Variants in RBFOX1 observed in about 807,000 individuals in gnomAD.
RBFOX1 encodes RNA binding protein fox-1 homolog 1.
In RBFOX1, 8 loss-of-function variants were observed where a neutral mutation model predicts 57.7. That is an observed-to-expected ratio of 0.14 (90% CI 0.08 to 0.25). The LOEUF is 0.25. RBFOX1 is among the 10% of genes least tolerant of loss of function. RBFOX1 has a pLI of 1.00. For synonymous variants in RBFOX1, 326 were observed against 222.4 expected (o/e 1.47, Z -4.15); for missense variants, 611 against 548.5 (o/e 1.11, Z -1.14).
chr16:6,085,721 C>T (rs988994936), intron 1 of RBFOX1, among the ~76,000 whole-genome samples: 4 of 152,010 alleles, frequency 2.6e-5, no homozygotes, highest in African/African-American at 7.3e-5. Context: ...TGATGCAGCC[C>T]GTGGCGCTTA....
intron 3 of RBFOX1, among the ~76,000 whole-genome samples, chr16:5,689,712 C>T (rs988271418): frequency 6.6e-6 from 1 of 151,884 alleles, no homozygotes; most frequent in Non-Finnish European, 1.5e-5. Context: ...AACTGTATGT[C>T]CCAGGAACCT....
intron 3 of RBFOX1, among the ~76,000 whole-genome samples, chr16:7,018,787 T>TAAAA (rs141781801): frequency 0.1 from 14,934 of 146,332 alleles, 921 homozygotes; most frequent in East Asian, 0.17. Context: ...CTTAAAGTAT[T>TAAAA]AAAAAAAAAA....
chr16:5,301,932 T>C (rs558717508), intron 1 of RBFOX1, among the ~76,000 whole-genome samples: 1 of 152,212 alleles, frequency 6.6e-6, no homozygotes, highest in African/African-American at 2.4e-5. Context: ...ATTGTTCATA[T>C]GTTTTTTATT....
intron 4 of RBFOX1, among the ~76,000 whole-genome samples, chr16:7,370,229 T>G (rs556558264): frequency 1.3e-5 from 2 of 152,116 alleles, no homozygotes; most frequent in African/African-American, 4.8e-5. Context: ...GGGAATGGGG[T>G]AAAGTGGCCA....
chr16:6,268,605 G>A (rs1178495604), intron 1 of RBFOX1, among the ~76,000 whole-genome samples: 1 of 152,154 alleles, frequency 6.6e-6, no homozygotes, highest in Non-Finnish European at 1.5e-5. Context: ...AGTTCAGTTT[G>A]TTAATTCAAT....
Position 7,506,184 on chromosome 16 carries a change from C to CAAAAAAAAAAAAAAAAA in RBFOX1, c.28-11946_28-11930dup, listed in dbSNP as rs552568132. 4.0e-5 allele frequency among the ~76,000 whole-genome samples: 2 copies of CAAAAAAAAAAAAAAAAA among 49,942 alleles called. 1 individual carries two copies. Among genetic ancestry groups the CAAAAAAAAAAAAAAAAA allele is most frequent in the African/African-American group, 1.5e-4 (2 of 13,594 alleles). The allele number at this position is 49,942 out of a possible 152,430, so 32.8% of individuals were successfully genotyped here. On this transcript the variant is annotated intron_variant, in intron 4 of 15. Transcript: ENST00000550418. ...TGGGTGACAGAGCAAGACTCTGTCT[C>CAAAAAAAAAAAAAAAAA]AAAAAAAAAAAAAAAAAAAAAAAAA...
intron 1 of RBFOX1, among the ~76,000 whole-genome samples, chr16:5,389,892 T>G (rs2066357752): frequency 6.6e-6 from 1 of 151,792 alleles, no homozygotes; most frequent in Non-Finnish European, 1.5e-5. Context: ...GAGATGGAGC[T>G]TCACCATGTT....
At chr16:6,349,962 G>C (rs550238528) in intron 2 of RBFOX1, among the ~76,000 whole-genome samples, 1 of 152,232 alleles carries the variant, frequency 6.6e-6, no homozygotes, top group South Asian at 2.1e-4. Flanking sequence ...TTTCCATGGT[G>C]AATGTGCGTG....
intron 1 of RBFOX1, among the ~76,000 whole-genome samples, chr16:6,122,792 A>G (rs1424434884): frequency 7.9e-5 from 8 of 101,524 alleles, no homozygotes; most frequent in Non-Finnish European, 2.0e-5. Flanking sequence ...CTGTGTGGCT[A>G]TGTGTGTGTA....
chr16:7,019,861 C>T (rs541830195), intron 3 of RBFOX1, among the ~76,000 whole-genome samples: 2 of 152,308 alleles, frequency 1.3e-5, no homozygotes, highest in African/African-American at 2.4e-5. Context: ...AATCTGTGGT[C>T]CAGCAATACT....
intron 3 of RBFOX1, among the ~76,000 whole-genome samples, chr16:7,044,169 A>C (rs1176571529): frequency 6.6e-6 from 1 of 152,126 alleles, no homozygotes; most frequent in East Asian, 1.9e-4. Context: ...ATGTGTATGT[A>C]TATGTGCATG....
At chr16:5,481,589 G>A (rs2069543578) in intron 2 of RBFOX1, among the ~76,000 whole-genome samples, 1 of 152,138 alleles carries the variant, frequency 6.6e-6, no homozygotes, top group Non-Finnish European at 1.5e-5. Flanking sequence ...CTTGATCATG[G>A]CTATTTGTCC....
intron 2 of RBFOX1, 75 bp from the exon 3 acceptor site, chr16:6,654,528 C>A (rs1002106278): frequency 1.7e-6 from 2 of 1,184,926 alleles, no homozygotes; most frequent in Non-Finnish European, 2.3e-6. Context: ...TTCAACAACA[C>A]CACTGAATGT....
intron 4 of RBFOX1, among the ~76,000 whole-genome samples, chr16:7,370,739 C>A (rs969005244): frequency 2.0e-5 from 3 of 152,058 alleles, no homozygotes; most frequent in African/African-American, 7.3e-5. Flanking sequence ...GTTTAGGTAC[C>A]CGAGGTTTTG....
At chr16:5,648,686 G>C (rs1054414495) in intron 3 of RBFOX1, among the ~76,000 whole-genome samples, 2 of 152,134 alleles carry the variant, frequency 1.3e-5, no homozygotes, top group African/African-American at 4.8e-5. Flanking sequence ...AATGCATTTA[G>C]ACGTGGGCAG....
At chr16:7,220,200 T>A (rs983402285) in intron 4 of RBFOX1, among the ~76,000 whole-genome samples, 6 of 152,182 alleles carry the variant, frequency 3.9e-5, no homozygotes, top group African/African-American at 1.4e-4. Context: ...ATTCTTGACA[T>A]TAGCAGACAG....
intron 4 of RBFOX1, among the ~76,000 whole-genome samples, chr16:7,170,102 T>G (rs2152449718): frequency 6.6e-6 from 1 of 152,220 alleles, no homozygotes; most frequent in South Asian, 2.1e-4. Context: ...AATAAGTATT[T>G]GGTGTATGCA....
At chr16:5,557,302 T>TAAAA (rs1400922831) in intron 2 of RBFOX1, among the ~76,000 whole-genome samples, 138 of 144,494 alleles carry the variant, frequency 9.6e-4, no homozygotes, top group African/African-American at 3.1e-3. Flanking sequence ...AATAAATAAA[T>TAAAA]AAAAATTTCT....
At chr16:5,771,670 G>C (rs536547694) in intron 3 of RBFOX1, among the ~76,000 whole-genome samples, 201 of 152,268 alleles carry the variant, frequency 1.3e-3, no homozygotes, top group African/African-American at 4.8e-3. Flanking sequence ...CGGCCTCCCA[G>C]AGTGTTGGGA....
Sources: allele counts gnomAD v4.1 joint callset (sites outside exome capture counted in the v4.1 genomes callset), GRCh38; gene constraint gnomAD v4.1.1; transcripts MANE v1.5; gene names NCBI Gene and HGNC (gene_info 2026-07-23, HGNC 2026-07-21).